CDK14: variants seen among roughly 807,000 people sequenced by gnomAD.
CDK14 encodes cyclin-dependent kinase 14.
CDK14 carries 34 observed loss-of-function variants against 60.7 expected under a neutral mutation model. The observed-to-expected ratio is 0.56, with a 90% CI of 0.43 to 0.75. The LOEUF is 0.75. Ranked by LOEUF, CDK14 falls within the 30% of genes least tolerant of loss-of-function variation. The pLI is 0.00. For synonymous variants in CDK14, 197 were observed against 203.7 expected (o/e 0.97, Z 0.28); for missense variants, 482 against 564.1 (o/e 0.85, Z 1.47).
At chr7:91,052,274 G>A (rs543626547) in intron 11 of CDK14, among the ~76,000 whole-genome samples, 1 of 152,342 alleles carries the variant, frequency 6.6e-6, no homozygotes, top group South Asian at 2.1e-4. Flanking sequence ...ATTAGTGTCA[G>A]AGGTGGAAGT....
chr7:90,806,863 C>T (rs1034856247), intron 5 of CDK14, among the ~76,000 whole-genome samples: 3 of 152,090 alleles, frequency 2.0e-5, no homozygotes, highest in Admixed American at 6.5e-5. Context: ...CGGAGCCTCA[C>T]TCATTGCTAG....
chr7:91,188,194 A>ATTTT (rs1312792972), intron 14 of CDK14, among the ~76,000 whole-genome samples: 1 of 151,008 alleles, frequency 6.6e-6, no homozygotes, highest in African/African-American at 2.5e-5. Context: ...TTTTTTTTAA[A>ATTTT]AAAAAAGAAC....
At position 91,041,890 on chromosome 7, in the gene CDK14, A is replaced by G. The variant is rs115341348; in HGVS notation, c.1042-4007A>G. ...CAGTCAGTCAACATTTACTGGGTGC[A>G]TATCTGGTGCCGGGCACATGGTGCA... On this transcript the variant is annotated intron_variant, in intron 10 of 14. Coordinates refer to ENST00000380050, the MANE Select transcript of CDK14 (RefSeq NM_001287135.2). Among the ~76,000 whole-genome samples the G allele has an allele frequency of 6.9e-3, 1,054 of 152,340 alleles. 8 individuals carry two copies. Among genetic ancestry groups the G allele is most frequent in the African/African-American group, 0.024 (997 of 41,570 alleles).
At chr7:91,107,972 C>T (rs1799354245) in intron 12 of CDK14, among the ~76,000 whole-genome samples, 2 of 152,182 alleles carry the variant, frequency 1.3e-5, no homozygotes, top group African/African-American at 4.8e-5. Flanking sequence ...ATTGAAACCT[C>T]TGTATTTGGA....
intron 9 of CDK14, 81 bp downstream of exon 9, chr7:90,955,898 T>G (rs1215665400): frequency 1.3e-6 from 2 of 1,521,626 alleles, no homozygotes; most frequent in African/African-American, 2.7e-5. Context: ...TCCTAACAGT[T>G]TGAATGAAGA....
At chr7:90,828,689 A>T (rs1364105314) in intron 5 of CDK14, among the ~76,000 whole-genome samples, 1 of 152,094 alleles carries the variant, frequency 6.6e-6, no homozygotes, top group Non-Finnish European at 1.5e-5. Context: ...CTGCTTGTTG[A>T]ATTACCCACT....
intron 2 of CDK14, among the ~76,000 whole-genome samples, chr7:90,722,582 A>AT (rs1802496832): frequency 6.6e-6 from 1 of 150,828 alleles, no homozygotes; most frequent in African/African-American, 2.4e-5. Context: ...GTTTAAGAAT[A>AT]TTTATGGGAA....
At chr7:91,132,894 A>G (rs1021246905) in intron 14 of CDK14, among the ~76,000 whole-genome samples, 2 of 152,182 alleles carry the variant, frequency 1.3e-5, no homozygotes, top group Admixed American at 6.6e-5. Context: ...TTTCTTGATT[A>G]TACATTTATC....
Position 91,089,708 on chromosome 7 carries a change from C to T in CDK14, c.1154+10228C>T, listed in dbSNP as rs73400944. Among the ~76,000 whole-genome samples, 1,235 of 152,234 alleles carry T rather than the reference C, an allele frequency of 8.1e-3. 18 individuals carry two copies. Among genetic ancestry groups the T allele is most frequent in the African/African-American group, 0.027 (1,142 of 41,536 alleles). ...GCTGCCCCATGCTTTGTCTGTCCCTCTCTGCCACGTTAGGTGTCTGTTTGG... is the reference window on the plus strand; with the variant it reads ...GCTGCCCCATGCTTTGTCTGTCCCTTTCTGCCACGTTAGGTGTCTGTTTGG... On this transcript the variant is annotated intron_variant, in intron 12 of 14. Coordinates refer to ENST00000380050, the MANE Select transcript of CDK14 (RefSeq NM_001287135.2).
intron 12 of CDK14, among the ~76,000 whole-genome samples, chr7:91,102,262 C>T (rs1450826361): frequency 6.6e-6 from 1 of 152,138 alleles, no homozygotes; most frequent in Non-Finnish European, 1.5e-5. Flanking sequence ...GGTTGTTGTA[C>T]TTCCAACTCT....
chr7:90,766,739 G>C (rs1034481870), intron 4 of CDK14, among the ~76,000 whole-genome samples: 1 of 152,154 alleles, frequency 6.6e-6, no homozygotes, highest in Non-Finnish European at 1.5e-5. Flanking sequence ...GGGTAGATGG[G>C]CAGATAGCTG....
intron 2 of CDK14, among the ~76,000 whole-genome samples, chr7:90,686,596 C>T (rs190634642): frequency 1.3e-5 from 2 of 152,310 alleles, no homozygotes; most frequent in African/African-American, 4.8e-5. Context: ...GAAAAGGACT[C>T]TGTCTTAATC....
chr7:91,113,989 A>G (rs1334955511), intron 13 of CDK14, among the ~76,000 whole-genome samples: 1 of 152,190 alleles, frequency 6.6e-6, no homozygotes, highest in Non-Finnish European at 1.5e-5. Flanking sequence ...CTCACTGACT[A>G]TTACAACAGC....
intron 5 of CDK14, among the ~76,000 whole-genome samples, chr7:90,806,602 A>G (rs533552520): frequency 4.6e-5 from 7 of 152,296 alleles, no homozygotes; most frequent in African/African-American, 1.4e-4. Flanking sequence ...TCTCACTGGG[A>G]AGTGTTGGAA....
intron 5 of CDK14, among the ~76,000 whole-genome samples, chr7:90,823,500 A>G (rs1789620284): frequency 6.6e-6 from 1 of 152,244 alleles, no homozygotes; most frequent in Admixed American, 6.5e-5. Context: ...CTTCCGGCAC[A>G]GAGAGAAGAA....
At chr7:91,202,911 T>C (rs999208545) in intron 14 of CDK14, among the ~76,000 whole-genome samples, 2 of 152,228 alleles carry the variant, frequency 1.3e-5, no homozygotes, top group African/African-American at 4.8e-5. Flanking sequence ...CAATTCTGTT[T>C]ATGCCCTAGG....
chr7:90,684,280 C>G (rs1227886183), intron 2 of CDK14, among the ~76,000 whole-genome samples: 1 of 151,996 alleles, frequency 6.6e-6, no homozygotes, highest in Non-Finnish European at 1.5e-5. Flanking sequence ...ATAAGTTGTT[C>G]TTTTATTGTA....
intron 14 of CDK14, among the ~76,000 whole-genome samples, chr7:91,147,441 G>A (rs894507406): frequency 1.3e-5 from 2 of 151,968 alleles, no homozygotes; most frequent in Non-Finnish European, 2.9e-5. Context: ...CTTTCCCGGA[G>A]AAAACATTCT....
chr7:91,123,029 A>G (rs1367322462), intron 14 of CDK14, among the ~76,000 whole-genome samples: 1 of 152,202 alleles, frequency 6.6e-6, no homozygotes, highest in Non-Finnish European at 1.5e-5. Context: ...GTATAGCTGG[A>G]AAGTGCCTTG....
Sources: allele counts gnomAD v4.1 joint callset (sites outside exome capture counted in the v4.1 genomes callset), GRCh38; gene constraint gnomAD v4.1.1; transcripts MANE v1.5; gene names NCBI Gene and HGNC (gene_info 2026-07-23, HGNC 2026-07-21).